The following HECW1 variants were observed in gnomAD, a reference collection of about 807,000 sequenced individuals.
HECW1 encodes the protein HECT, C2 and WW domain containing E3 ubiquitin protein ligase 1, also known as E3 ubiquitin-protein ligase HECW1.
A neutral mutation model predicts 182.3 loss-of-function variants in HECW1; 61 were observed. The ratio of observed to expected loss-of-function variants is 0.33; its 90% CI spans 0.27 to 0.41. The LOEUF (loss-of-function observed/expected upper bound fraction) is 0.41, where lower values mean the gene tolerates loss of function less well. HECW1 is among the 10% of genes least tolerant of loss of function. The pLI is 1.00. For synonymous variants in HECW1, 859 were observed against 832.6 expected, an observed-to-expected ratio of 1.03 and a Z score of -0.55; for missense variants, 1,739 against 2,108.9, an observed-to-expected ratio of 0.82 and a Z score of 3.44.
At chr7:43,164,784 A>G (rs59257501) in intron 2 of HECW1, among the ~76,000 whole-genome samples, 16,027 of 152,258 alleles carry the variant, frequency 0.11, 1,204 homozygotes, top group African/African-American at 0.22. Context: ...CATGTGAGGC[A>G]AGTGCAGACT....
intron 3 of HECW1, among the ~76,000 whole-genome samples, chr7:43,264,465 T>A (rs1224582820): frequency 2.6e-5 from 4 of 152,206 alleles, no homozygotes; most frequent in African/African-American, 9.7e-5. Context: ...TTTCTATGTA[T>A]ACCACACTGA....
intron 2 of HECW1, among the ~76,000 whole-genome samples, chr7:43,167,238 G>A (rs1052493988): frequency 1.4e-4 from 21 of 152,002 alleles, no homozygotes; most frequent in African/African-American, 3.9e-4. Context: ...GACCTTTCTC[G>A]GTTTGTGGCC....
intron 8 of HECW1, among the ~76,000 whole-genome samples, chr7:43,419,828 G>T (rs2076124312): frequency 6.6e-6 from 1 of 152,188 alleles, no homozygotes. Context: ...CAGCAGTTTT[G>T]CCACGAGAGT....
chr7:43,259,316 G>T (rs1056246489), intron 3 of HECW1, among the ~76,000 whole-genome samples: 1 of 152,038 alleles, frequency 6.6e-6, no homozygotes, highest in African/African-American at 2.4e-5. Flanking sequence ...GAACTCAGGA[G>T]GTGGAGGTTG....
At chr7:43,196,750 A>G (rs575731244) in intron 2 of HECW1, among the ~76,000 whole-genome samples, 1 of 152,206 alleles carries the variant, frequency 6.6e-6, no homozygotes, top group Non-Finnish European at 1.5e-5. Flanking sequence ...GTTTTTAAGT[A>G]AGTTTGGAGT....
chr7:43,240,796 C>T (rs912463841), intron 2 of HECW1, among the ~76,000 whole-genome samples: 1 of 152,162 alleles, frequency 6.6e-6, no homozygotes, highest in Non-Finnish European at 1.5e-5. Flanking sequence ...AGGGCATAAG[C>T]AGGGTGCGGC....
At chr7:43,167,796 C>A (rs1791275240) in intron 2 of HECW1, among the ~76,000 whole-genome samples, 1 of 152,200 alleles carries the variant, frequency 6.6e-6, no homozygotes, top group African/African-American at 2.4e-5. Flanking sequence ...AGGATCACCT[C>A]ATTTAATTCT....
intron 2 of HECW1, among the ~76,000 whole-genome samples, chr7:43,219,893 G>A (rs943013744): frequency 1.3e-5 from 2 of 152,106 alleles, no homozygotes; most frequent in African/African-American, 2.4e-5. Flanking sequence ...ACCACAAAAG[G>A]TTCTTTTGTG....
intron 17 of HECW1, among the ~76,000 whole-genome samples, chr7:43,483,939 A>C (rs890410853): frequency 4.6e-5 from 7 of 152,110 alleles, no homozygotes; most frequent in Non-Finnish European, 8.8e-5. Flanking sequence ...GCTAGAGACC[A>C]CTGCCACAAT....
Position 43,240,694 on chromosome 7 carries a change from G to C in HECW1, c.-31-3181G>C, listed in dbSNP as rs375290263. Among the ~76,000 whole-genome samples the C allele has an allele frequency of 1.4e-4, 22 of 152,326 alleles. 1 individual carries two copies. Among genetic ancestry groups the C allele is most frequent in the African/African-American group, 4.8e-4 (20 of 41,568 alleles). On this transcript the variant is annotated intron_variant, in intron 2 of 29. Coordinates refer to ENST00000395891, the MANE Select transcript of HECW1 (RefSeq NM_015052.5). ...CTGTGGCAGAGCATCAGGCCTCAGA[G>C]GTGGTGTCACTGCCAGTCAGCGTTG...
chr7:43,339,747 A>G (rs895498137), intron 5 of HECW1, among the ~76,000 whole-genome samples: 22 of 151,922 alleles, frequency 1.4e-4, no homozygotes, highest in African/African-American at 5.3e-4. Flanking sequence ...ATAAGAGGGG[A>G]GCTCCGCGGG....
chr7:43,289,868 T>C (rs1805169065), intron 3 of HECW1, among the ~76,000 whole-genome samples: 1 of 152,124 alleles, frequency 6.6e-6, no homozygotes, highest in African/African-American at 2.4e-5. Flanking sequence ...CATCTTGAAG[T>C]GGGGGCTTGC....
intron 8 of HECW1, among the ~76,000 whole-genome samples, chr7:43,437,572 CT>C (rs2076752291): frequency 6.6e-6 from 1 of 152,194 alleles, no homozygotes; most frequent in Admixed American, 6.5e-5. Context: ...TCTCTTCCCC[CT>C]CTCAAGGATC....
At chr7:43,537,636 C>T (rs114015057) in intron 24 of HECW1, among the ~76,000 whole-genome samples, 220 of 152,296 alleles carry the variant, frequency 1.4e-3, no homozygotes, top group African/African-American at 4.9e-3. Context: ...TTGAATTGTA[C>T]AGTTGCTGTA....
rs756422420 is a variant in HECW1, at chr7:43,554,643, G to T, written c.4562G>T (p.Arg1521Leu). ...CGCTGGTTCTGGGCTGCGGTGGAGC[G>T]CTTCAATAATGAGCAGAGGCTGAGA... ...VIRWFWAAVE[R>L]FNNEQRLRLL... is the part of the protein sequence containing the mutation. The change falls in exon 29 of 30, where the codon CGC becomes CTC. Residue 1521 changes from arginine (R) to leucine (L), a missense_variant. Physicochemically the swap from Arg to Leu is moderately radical, Grantham distance 102 (BLOSUM62 -2). This residue lies in a region of HECW1 where 420 missense variants were observed against 595.7 expected (regional missense o/e 0.71). Transcript: ENST00000395891. 2.5e-6 allele frequency: 4 copies of T among 1,613,682 alleles called. No homozygotes were observed.
chr7:43,274,574 T>A (rs1802848109), intron 3 of HECW1: 7 of 496,896 alleles, frequency 1.4e-5, no homozygotes, highest in South Asian at 6.7e-5. Flanking sequence ...GCCCAACATC[T>A]TCTTTTAGGT....
intron 5 of HECW1, among the ~76,000 whole-genome samples, chr7:43,345,360 G>T (rs1260241888): frequency 6.6e-6 from 1 of 152,102 alleles, no homozygotes; most frequent in East Asian, 1.9e-4. Context: ...ACCAGTCTAT[G>T]GTTGGCAATC....
At chr7:43,475,585 C>G (rs2078190505) in intron 16 of HECW1, among the ~76,000 whole-genome samples, 1 of 152,186 alleles carries the variant, frequency 6.6e-6, no homozygotes, top group African/African-American at 2.4e-5. Context: ...GGGTCTCGCT[C>G]TGTGTCCTAG....
intron 7 of HECW1, among the ~76,000 whole-genome samples, chr7:43,402,368 A>C (rs575228613): frequency 6.6e-6 from 1 of 152,134 alleles, no homozygotes; most frequent in Non-Finnish European, 1.5e-5. Flanking sequence ...GCCCGTCTGC[A>C]TGCTCCCTCT....
Sources: gnomAD v4.1 joint callset for allele counts (sites outside exome capture counted in the v4.1 genomes callset) on GRCh38, gnomAD v4.1.1 for gene constraint, gnomAD v4.1.1 regional missense constraint, MANE v1.5 for transcripts, NCBI Gene and HGNC (gene_info 2026-07-23, HGNC 2026-07-21) for gene names.